Variants in THBS1 observed in about 807,000 individuals in gnomAD.
THBS1 encodes the protein thrombospondin-1.
A neutral mutation model predicts 126.1 loss-of-function variants in THBS1; 29 were observed. The observed-to-expected ratio is 0.23, with a 90% CI of 0.17 to 0.31. The LOEUF is 0.31. THBS1 is among the 10% of genes least tolerant of loss of function. The pLI is 1.00. For missense variants in THBS1, 1,198 were observed against 1,545.2 expected, an observed-to-expected ratio of 0.78 and a Z score of 3.77; for synonymous variants, 496 against 577.8, an observed-to-expected ratio of 0.86 and a Z score of 2.03.
rs1272658328 is a variant in THBS1, at chr15:39,589,689, A to T, written c.1927-116A>T. 1.8e-6 allele frequency: 2 copies of T among 1,141,092 alleles called. No individual in the cohort carries two copies. The highest frequency in any genetic ancestry group is 5.2e-5 in the East Asian group (2 of 38,646). 70.7% of individuals were successfully genotyped at this position (1,141,092 alleles called of 1,614,324 possible). A position where few individuals can be genotyped will look rare whatever the true frequency, so the allele number is the denominator to read the frequency against. ...ATGGGGAGGGACAGAGGTAACCCAC[A>T]CTCTTCCAAATGGAGCCTCTGTCTA... On this transcript the variant is annotated intron_variant, in intron 12 of 21. Transcript: ENST00000260356. The surrounding 1 kb of genome is among the most constrained non-coding windows in gnomAD (Gnocchi z 4.7).
At chr15:39,581,753 C>T in intron 1 of THBS1, 76 bp from the exon 2 acceptor site, 1 of 904,012 alleles carries the variant, frequency 1.1e-6, no homozygotes, top group Non-Finnish European at 1.7e-6. Flanking sequence ...GTCCCCATGC[C>T]CAGCCCCGTT....
chr15:39,592,497 G>C lies in THBS1; in HGVS notation c.2533-71G>C. On this transcript the variant is annotated intron_variant, in intron 16 of 21. Transcript: ENST00000260356. This position sits in a 1 kb window ranked among gnomAD's most constrained non-coding sequence, Gnocchi z 4.3. Reference sequence around the variant, plus strand: ...AACAATGGAGAATTTTCCCTGTGGTGGGGGCATAAGTTATCTTTAACATGA... The same window carrying C: ...AACAATGGAGAATTTTCCCTGTGGTCGGGGCATAAGTTATCTTTAACATGA... 1.6e-6 allele frequency: 2 copies of C among 1,282,396 alleles called. No individual in the cohort carries two copies. The highest frequency in any genetic ancestry group is 2.2e-6 in the Non-Finnish European group (2 of 922,948). The allele number at this position is 1,282,396 out of a possible 1,614,324, so 79.4% of individuals were successfully genotyped here. A position where few individuals can be genotyped will look rare whatever the true frequency, so the allele number is the denominator to read the frequency against.
rs765144315 is a variant in THBS1 at position 39,589,268 on chromosome 15, G to A, written c.1840G>A (p.Gly614Ser). 5.6e-6 allele frequency: 9 copies of A among 1,613,974 alleles called. No homozygotes were observed. The highest frequency in any genetic ancestry group is 2.2e-5 in the East Asian group (1 of 44,898). Residue 614 changes from glycine (G) to serine (S), a missense_variant, in exon 12 of 22, where the codon GGC becomes AGC. Coordinates refer to ENST00000260356, the MANE Select transcript of THBS1 (RefSeq NM_003246.4). The surrounding 1 kb of genome is among the most constrained non-coding windows in gnomAD (Gnocchi z 4.7). ...GCACCGGTGTGAGAACACGGACCCC[G>A]GCTACAACTGCCTGCCCTGCCCCCC... ...GEHRCENTDP[G>S]YNCLPCPPRF...
Position 39,597,280 on chromosome 15 carries a change from GTTTTTTTTTTTT to G in THBS1, c.*1921_*1932del. The G allele has an allele frequency of 1.2e-4, 6 of 48,044 alleles. No homozygotes were observed. The highest frequency in any genetic ancestry group is 1.0e-3 in the Admixed American group (4 of 3,950). The allele number at this position is 48,044 out of a possible 1,614,324, so 3.0% of individuals were successfully genotyped here. On this transcript the variant is annotated 3_prime_UTR_variant, in exon 22 of 22. Coordinates refer to ENST00000260356, the MANE Select transcript of THBS1 (RefSeq NM_003246.4). ...GTTGGTTTTTTCTTTTTTTTGTTTT[GTTTTTTTTTTTT>G]TTTTTTTTTGCTTTTGACCTCCCAT...
At position 39,594,933 on chromosome 15, in the gene THBS1, T is replaced by G. The variant is rs1890403527; in HGVS notation, c.3506-429T>G. Among the ~76,000 whole-genome samples the G allele has an allele frequency of 6.6e-6, 1 of 152,238 alleles. No individual in the cohort carries two copies. The highest frequency in any genetic ancestry group is 1.5e-5 in the Non-Finnish European group (1 of 68,042). ...TCATTCTTTTTTACTTAGTCATTAC[T>G]TAAGCTCGCTGAGTCCAACACTGGC... On this transcript the variant is annotated intron_variant, in intron 21 of 21. Coordinates refer to ENST00000260356, the MANE Select transcript of THBS1 (RefSeq NM_003246.4). The surrounding 1 kb of genome is among the most constrained non-coding windows in gnomAD (Gnocchi z 4.4).
In THBS1 at chr15:39,592,786, C is replaced by T; in HGVS notation, c.2751C>T (p.Asp917=). ...ACTGCAGACTCGTGCCCAATCCCGA[C>T]CAGAAGGACTCTGACGGTGAGTCAT... The part of the protein sequence containing the change: ...KDNCRLVPNP[D]QKDSDGDGRG... The change falls in exon 17 of 22, where the codon GAC becomes GAT. Residue 917 remains aspartate, a synonymous_variant. Transcript: ENST00000260356. This position sits in a 1 kb window ranked among gnomAD's most constrained non-coding sequence, Gnocchi z 4.3. 1 of 1,613,440 alleles carries T rather than the reference C, an allele frequency of 6.2e-7. No individual in the cohort carries two copies. The highest frequency in any genetic ancestry group is 8.5e-7 in the Non-Finnish European group (1 of 1,179,620).
rs1049735240 is a variant in THBS1, at chr15:39,588,776, G to A, written c.1645+77G>A. 7.1e-6 allele frequency: 11 copies of A among 1,556,560 alleles called. No homozygotes were observed. The South Asian group carries it at 1.4e-4, about 19-fold the overall frequency. On this transcript the variant is annotated intron_variant, in intron 10 of 21. Transcript: ENST00000260356. ...GAATGCTGCAGTCAGCATTCGAGGA[G>A]ATTCCAGCTTGGTTAGTCCTGAGCG...
rs1441344591 is a variant in THBS1 at position 39,594,107 on chromosome 15, C to T, written c.3276C>T (p.Thr1092=). 1 of 1,613,756 alleles carries T rather than the reference C, an allele frequency of 6.2e-7. No individual in the cohort carries two copies. The highest frequency in any genetic ancestry group is 2.2e-5 in the East Asian group (1 of 44,874). ...TTTTCCTTTTCCTTCAGGTGCGCAC[C>T]CTGTGGCATGACCCTCGTCACATAG... ...HTGNTPGQVR[T]LWHDPRHIGW... Residue 1092 remains threonine, a synonymous_variant, in exon 20 of 22, where the codon ACC becomes ACT. Transcript: ENST00000260356. This position sits in a 1 kb window ranked among gnomAD's most constrained non-coding sequence, Gnocchi z 4.4.
chr15:39,581,565 T>C, intron 1 of THBS1: 1 of 383,216 alleles, frequency 2.6e-6, no homozygotes, highest in Non-Finnish European at 4.8e-6. Flanking sequence ...CTTGCTCACC[T>C]TCGACTTCCC....
In THBS1 at chr15:39,594,510, A is replaced by T; in HGVS notation, c.3505+70A>T. The T allele has an allele frequency of 6.4e-7, 1 of 1,572,314 alleles. No homozygotes were observed. Among genetic ancestry groups the T allele is most frequent in the East Asian group, 2.2e-5 (1 of 44,744 alleles). On this transcript the variant is annotated intron_variant, in intron 21 of 21. Transcript: ENST00000260356. The surrounding 1 kb of genome is among the most constrained non-coding windows in gnomAD (Gnocchi z 4.4). ...CAGACTAATATCAAGGATGACGGTT[A>T]TGGGGGAGTCCAGTGTAAAGACTGT... is the stretch of plus-strand genomic sequence containing the variant.
At chr15:39,581,997 C>A in intron 2 of THBS1, 73 bp downstream of exon 2, 1 of 1,517,690 alleles carries the variant, frequency 6.6e-7, no homozygotes, top group Non-Finnish European at 9.1e-7. Context: ...TGTGCCCCCT[C>A]ACGTGCTGTC....
In THBS1 at chr15:39,591,237, G is replaced by A. The variant is rs1890320971; in HGVS notation, c.2300G>A (p.Arg767Lys). 6 of 1,614,094 alleles carry A rather than the reference G, an allele frequency of 3.7e-6. No homozygotes were observed. The South Asian group carries it at 6.6e-5, about 18-fold the overall frequency. The change falls in exon 15 of 22, where the codon AGA becomes AAA. Residue 767 changes from arginine to lysine, a missense_variant. Coordinates refer to ENST00000260356, the MANE Select transcript of THBS1 (RefSeq NM_003246.4). ...AACCCAGCTCAGTATGACTATGACA[G>A]AGATGATGTGGGAGACCGCTGTGAC... ...HYNPAQYDYD[R>K]DDVGDRCDNC...
At chr15:39,582,833 G>C in intron 3 of THBS1, 81 bp downstream of exon 3, 1 of 1,440,872 alleles carries the variant, frequency 6.9e-7, no homozygotes, top group Non-Finnish European at 9.3e-7. Flanking sequence ...AGGAAATCCT[G>C]TCTGTAAACT....
rs1434898024 is a variant in THBS1, at chr15:39,598,251, G to T, written c.*2882G>T. 3 of 152,172 alleles carry T rather than the reference G, an allele frequency of 2.0e-5. No homozygotes were observed. Among genetic ancestry groups the T allele is most frequent in the Admixed American group, 2.0e-4 (3 of 15,270 alleles). The allele number at this position is 152,172 out of a possible 1,614,324, so 9.4% of individuals were successfully genotyped here. A position where few individuals can be genotyped will look rare whatever the true frequency, so the allele number is the denominator to read the frequency against. ...TTGAGGTCTATTAAACACTAGAAAG[G>T]ACTGGCTGGGTGAGATAAAATCTTC... On this transcript the variant is annotated 3_prime_UTR_variant, in exon 22 of 22. Transcript: ENST00000260356.
chr15:39,594,344 C>G lies in THBS1; in HGVS notation c.3409C>G (p.Pro1137Ala), dbSNP rs1015286448. The change falls in exon 21 of 22, where the codon CCC (proline) becomes GCC (alanine). Residue 1137 changes from proline to alanine, a missense_variant. By Grantham distance (27) the Pro-to-Ala change is conservative. Coordinates refer to ENST00000260356, the MANE Select transcript of THBS1 (RefSeq NM_003246.4). This position sits in a 1 kb window ranked among gnomAD's most constrained non-coding sequence, Gnocchi z 4.4. ...EGKKIMADSG[P>A]IYDKTYAGGR... The stretch of plus-strand genomic sequence containing the variant: ...GAAGAAAATCATGGCTGACTCAGGA[C>G]CCATCTATGATAAAACCTATGCTGG... 6.2e-7 allele frequency: 1 copy of G among 1,614,042 alleles called. No homozygotes were observed. Among genetic ancestry groups the G allele is most frequent in the Non-Finnish European group, 8.5e-7 (1 of 1,180,044 alleles).
intron 7 of THBS1, chr15:39,586,532 T>C (rs1890211246): frequency 6.6e-6 from 1 of 152,202 alleles, no homozygotes; most frequent in African/African-American, 2.4e-5. Flanking sequence ...TAAACAAACA[T>C]GCTGTCCTCT....
chr15:39,582,386 T>C lies in THBS1; in HGVS notation c.261T>C (p.Gly87=), dbSNP rs762105404. ...DLVDAVRAEK[G]FLLLASLRQM... is the part of the protein sequence containing the mutation. Reference sequence around the variant, plus strand: ...TGGATGCTGTGCGGGCAGAAAAGGGTTTCCTCCTTCTGGCATCCCTGAGGC... The same window carrying C: ...TGGATGCTGTGCGGGCAGAAAAGGGCTTCCTCCTTCTGGCATCCCTGAGGC... Residue 87 remains glycine (G), a synonymous_variant, in exon 3 of 22, where the codon GGT becomes GGC. Coordinates refer to ENST00000260356, the MANE Select transcript of THBS1 (RefSeq NM_003246.4). 2 of 1,613,684 alleles carry C rather than the reference T, an allele frequency of 1.2e-6. No homozygotes were observed. The highest frequency in any genetic ancestry group is 2.2e-5 in the East Asian group (1 of 44,852).
In THBS1 at chr15:39,588,580, G is replaced by A. The variant is rs1423706464; in HGVS notation, c.1526G>A (p.Gly509Glu). The change falls in exon 10 of 22, where the codon GGA (glycine) becomes GAA (glutamate). Residue 509 changes from glycine (G) to glutamate (E), a missense_variant. Transcript: ENST00000260356. ...SPWDICSVTC[G>E]GGVQKRSRLC... ...TGGGACATCTGTTCTGTCACCTGTG[G>A]AGGAGGGGTACAGAAACGTAGTCGT... is the stretch of plus-strand genomic sequence containing the variant. The A allele has an allele frequency of 3.1e-6, 5 of 1,607,026 alleles. No individual in the cohort carries two copies. The Admixed American group carries it at 8.5e-5, about 27-fold the overall frequency.
In THBS1 at chr15:39,593,635, C is replaced by T. The variant is rs112670485; in HGVS notation, c.3234C>T (p.Asn1078=). The change falls in exon 19 of 22, where the codon AAC becomes AAT. Residue 1078 remains asparagine (N), a synonymous_variant. Coordinates refer to ENST00000260356, the MANE Select transcript of THBS1 (RefSeq NM_003246.4). The surrounding 1 kb of genome is among the most constrained non-coding windows in gnomAD (Gnocchi z 5.9). ...CAGGGCCTGGCGAGCACCTGCGGAA[C>T]GCCCTGTGGCACACAGGAAACACCC... is the stretch of plus-strand genomic sequence containing the variant. ...STTGPGEHLR[N]ALWHTGNTPG... is the part of the protein sequence containing the mutation. The T allele has an allele frequency of 1.5e-4, 243 of 1,614,002 alleles. 1 individual carries two copies. The African/African-American group carries it at 2.1e-3, about 14-fold the overall frequency.
Sources: gnomAD v4.1 joint callset for allele counts (sites outside exome capture counted in the v4.1 genomes callset) on GRCh38, gnomAD v4.1.1 for gene constraint, Gnocchi (gnomAD v3.1) non-coding constraint, MANE v1.5 for transcripts, NCBI Gene and HGNC (gene_info 2026-07-23, HGNC 2026-07-21) for gene names.